The following CNTNAP2 variants were observed in gnomAD, a reference collection of about 807,000 sequenced individuals.
CNTNAP2 encodes the protein contactin associated protein 2, also known as contactin-associated protein-like 2.
A neutral mutation model predicts 155.2 loss-of-function variants in CNTNAP2; 98 were observed. That is an observed-to-expected ratio of 0.63 (90% confidence interval 0.54 to 0.75). The LOEUF is 0.75. Ranked by LOEUF, CNTNAP2 falls within the 30% of genes least tolerant of loss-of-function variation. The pLI is 0.00. For missense variants in CNTNAP2, 1,727 were observed against 1,688.1 expected (o/e 1.02, Z -0.40); for synonymous variants, 651 against 631.2 (o/e 1.03, Z -0.47).
intron 22 of CNTNAP2, among the ~76,000 whole-genome samples, chr7:148,405,337 T>C (rs1051076837): frequency 6.6e-6 from 1 of 152,024 alleles, no homozygotes; most frequent in Non-Finnish European, 1.5e-5. Context: ...CCTTGCGTCA[T>C]CTCAGGTAAC....
At chr7:147,286,285 T>G (rs1199255886) in intron 8 of CNTNAP2, among the ~76,000 whole-genome samples, 1 of 152,020 alleles carries the variant, frequency 6.6e-6, no homozygotes, top group Non-Finnish European at 1.5e-5. Context: ...CTTAGTCAAT[T>G]TAGATTTAAG....
chr7:147,567,913 C>T (rs1212969658), intron 12 of CNTNAP2, among the ~76,000 whole-genome samples: 3 of 152,072 alleles, frequency 2.0e-5, no homozygotes, highest in Non-Finnish European at 4.4e-5. Context: ...TGGCGAAACC[C>T]CGTCTCTACT....
chr7:146,906,154 C>T lies in CNTNAP2; in HGVS notation c.402+66250C>T, dbSNP rs528400817. On this transcript the variant is annotated intron_variant, in intron 3 of 23. Coordinates refer to ENST00000361727, the MANE Select transcript of CNTNAP2 (RefSeq NM_014141.6). ...CACACCTGGCTCGGAGGGTCCTACG[C>T]CCACGGAGTCTCGCTGATTGCTAGC... is the stretch of plus-strand genomic sequence containing the variant. Among the ~76,000 whole-genome samples the T allele has an allele frequency of 1.2e-4, 19 of 152,320 alleles. No homozygotes were observed. The East Asian group carries it at 3.5e-3, about 28-fold the overall frequency.
chr7:147,898,307 C>T (rs10488349), intron 13 of CNTNAP2, among the ~76,000 whole-genome samples: 5,678 of 152,302 alleles, frequency 0.037, 183 homozygotes, highest in Middle Eastern at 0.061. Context: ...AGGAAAACTA[C>T]TGGAATATCT....
At chr7:148,054,134 G>A (rs901579434) in intron 15 of CNTNAP2, among the ~76,000 whole-genome samples, 27 of 151,976 alleles carry the variant, frequency 1.8e-4, no homozygotes, top group South Asian at 1.2e-3. Context: ...CACCACACCC[G>A]GCTAATTTTT....
intron 1 of CNTNAP2, among the ~76,000 whole-genome samples, chr7:146,599,236 T>C (rs117472865): frequency 0.028 from 4,232 of 152,214 alleles, 86 homozygotes; most frequent in East Asian, 0.037. Context: ...GAATAATCTA[T>C]GCTCAATCTA....
At chr7:146,120,219 G>C (rs1024418770) in intron 1 of CNTNAP2, among the ~76,000 whole-genome samples, 2 of 151,972 alleles carry the variant, frequency 1.3e-5, no homozygotes, top group African/African-American at 4.8e-5. Context: ...AATACTGCTG[G>C]TTTATAGAGA....
chr7:146,958,637 T>C (rs1156819422), intron 3 of CNTNAP2, among the ~76,000 whole-genome samples: 1 of 151,850 alleles, frequency 6.6e-6, no homozygotes, highest in East Asian at 1.9e-4. Flanking sequence ...ATGGTGTCGA[T>C]CTCCTGACCT....
chr7:148,075,715 A>G (rs946337400), intron 15 of CNTNAP2, among the ~76,000 whole-genome samples: 1 of 152,194 alleles, frequency 6.6e-6, no homozygotes, highest in Non-Finnish European at 1.5e-5. Flanking sequence ...ATTGACAGGG[A>G]AAGTCTTATA....
At chr7:146,866,644 C>CT (rs1425776402) in intron 3 of CNTNAP2, among the ~76,000 whole-genome samples, 1 of 152,034 alleles carries the variant, frequency 6.6e-6, no homozygotes, top group Non-Finnish European at 1.5e-5. Flanking sequence ...AGCTGAAATC[C>CT]TTTTTTTCAC....
intron 13 of CNTNAP2, among the ~76,000 whole-genome samples, chr7:147,651,138 T>A (rs1158350866): frequency 2.6e-5 from 4 of 152,106 alleles, no homozygotes; most frequent in African/African-American, 9.7e-5. Context: ...ATTTAGAGAT[T>A]TATTGCAAGG....
At chr7:148,264,138 C>T (rs961025627) in intron 20 of CNTNAP2, among the ~76,000 whole-genome samples, 1 of 152,160 alleles carries the variant, frequency 6.6e-6, no homozygotes, top group Non-Finnish European at 1.5e-5. Flanking sequence ...GAAATTTAAT[C>T]TTTAAAACTG....
At chr7:146,996,325 A>T (rs1300157451) in intron 3 of CNTNAP2, among the ~76,000 whole-genome samples, 1 of 152,058 alleles carries the variant, frequency 6.6e-6, no homozygotes, top group Non-Finnish European at 1.5e-5. Context: ...ACATTTTAAC[A>T]ATATTACTAC....
At chr7:146,503,542 T>G in intron 1 of CNTNAP2, among the ~76,000 whole-genome samples, 1 of 152,170 alleles carries the variant, frequency 6.6e-6, no homozygotes, top group East Asian at 1.9e-4. Flanking sequence ...CTTCTAGTAG[T>G]TTCAGAGTTT....
chr7:148,294,462 G>T (rs913560802), intron 21 of CNTNAP2, among the ~76,000 whole-genome samples: 2 of 152,138 alleles, frequency 1.3e-5, no homozygotes, highest in East Asian at 1.9e-4. Context: ...TAACAATTTT[G>T]AATTAATCAA....
chr7:146,737,226 T>C (rs1447907185), intron 1 of CNTNAP2, among the ~76,000 whole-genome samples: 3 of 152,172 alleles, frequency 2.0e-5, no homozygotes, highest in Middle Eastern at 3.2e-3. Context: ...CATTGTGAAA[T>C]GACTAAATCT....
chr7:148,152,458 A>G (rs1348732338), intron 17 of CNTNAP2, among the ~76,000 whole-genome samples: 2 of 151,514 alleles, frequency 1.3e-5, no homozygotes, highest in African/African-American at 2.4e-5. Flanking sequence ...CAAAAATCTG[A>G]AAAAAAAATC....
At chr7:147,786,411 G>A (rs1262248151) in intron 13 of CNTNAP2, among the ~76,000 whole-genome samples, 1 of 152,222 alleles carries the variant, frequency 6.6e-6, no homozygotes, top group Non-Finnish European at 1.5e-5. Flanking sequence ...TGGAGACTGA[G>A]AGGATGATGT....
chr7:148,095,885 T>C (rs923187558), intron 15 of CNTNAP2, among the ~76,000 whole-genome samples: 6 of 152,214 alleles, frequency 3.9e-5, no homozygotes, highest in South Asian at 2.1e-4. Flanking sequence ...AGTGGAATGC[T>C]TTATTGCTCT....
Sources: allele counts gnomAD v4.1 joint callset (sites outside exome capture counted in the v4.1 genomes callset), GRCh38; gene constraint gnomAD v4.1.1; transcripts MANE v1.5; gene names NCBI Gene and HGNC (gene_info 2026-07-23, HGNC 2026-07-21).